Variants in PLPPR1 observed in about 807,000 individuals in gnomAD.
The protein encoded by PLPPR1 is phospholipid phosphatase related 1.
Under a neutral mutation model 33.1 loss-of-function variants are expected in PLPPR1, and 10 were observed. That is an observed-to-expected ratio of 0.30 (90% confidence interval 0.19 to 0.51). The LOEUF is 0.51. Ranked by LOEUF, PLPPR1 falls within the 20% of genes least tolerant of loss-of-function variation. The pLI is 0.97. For missense variants in PLPPR1, 304 were observed against 408.1 expected (o/e 0.74, Z 2.20); for synonymous variants, 151 against 151.0 (o/e 1.00, Z 0.00).
At chr9:101,156,201 G>C (rs1239887016) in intron 1 of PLPPR1, among the ~76,000 whole-genome samples, 1 of 152,098 alleles carries the variant, frequency 6.6e-6, no homozygotes, top group Non-Finnish European at 1.5e-5. Flanking sequence ...ACTTTCATTT[G>C]ACCATGGGTT....
chr9:101,262,528 A>T (rs1224823103), intron 2 of PLPPR1, among the ~76,000 whole-genome samples: 1 of 152,192 alleles, frequency 6.6e-6, no homozygotes, highest in Non-Finnish European at 1.5e-5. Flanking sequence ...AGATGTGGAG[A>T]AATAGGAATG....
chr9:101,051,194 G>T (rs1396711330), intron 1 of PLPPR1, among the ~76,000 whole-genome samples: 1 of 151,734 alleles, frequency 6.6e-6, no homozygotes, highest in Non-Finnish European at 1.5e-5. Context: ...TAATTATTTT[G>T]CCCATAAGTT....
intron 1 of PLPPR1, among the ~76,000 whole-genome samples, chr9:101,175,235 A>G (rs1011017591): frequency 6.6e-6 from 1 of 152,092 alleles, no homozygotes; most frequent in Non-Finnish European, 1.5e-5. Context: ...GTTTATTCCA[A>G]CTAGGGCTGC....
chr9:101,221,545 G>GAACTT (rs1419061269), intron 2 of PLPPR1, among the ~76,000 whole-genome samples: 1 of 152,160 alleles, frequency 6.6e-6, no homozygotes, highest in East Asian at 1.9e-4. Context: ...GAAAAGAAAG[G>GAACTT]AACTTACCTT....
At chr9:101,309,134 C>A in intron 4 of PLPPR1, 77 bp from the exon 5 acceptor site, 2 of 1,460,382 alleles carry the variant, frequency 1.4e-6, no homozygotes, top group Non-Finnish European at 9.5e-7. Context: ...TGGACTCTCA[C>A]CGCTGTTTTC....
At chr9:101,306,138 CCCTT>C (rs1588120104) in intron 4 of PLPPR1, among the ~76,000 whole-genome samples, 2 of 152,290 alleles carry the variant, frequency 1.3e-5, no homozygotes, top group East Asian at 1.9e-4. Context: ...ACTAATTTGA[CCCTT>C]CCTTGGCCAT....
At chr9:101,130,551 TA>T (rs1191824229) in intron 1 of PLPPR1, among the ~76,000 whole-genome samples, 29 of 152,364 alleles carry the variant, frequency 1.9e-4, no homozygotes, top group African/African-American at 7.0e-4. Context: ...GTTAAGCACT[TA>T]TTTTTTGTGA....
At chr9:101,167,033 C>T (rs1175260291) in intron 1 of PLPPR1, among the ~76,000 whole-genome samples, 1 of 117,126 alleles carries the variant, frequency 8.5e-6, no homozygotes, top group Non-Finnish European at 1.8e-5. Flanking sequence ...CTGAGGGTGC[C>T]AGAAGATCTA....
intron 7 of PLPPR1, among the ~76,000 whole-genome samples, chr9:101,323,586 T>C (rs909444668): frequency 1.3e-5 from 2 of 151,784 alleles, no homozygotes; most frequent in Non-Finnish European, 2.9e-5. Flanking sequence ...ATGCCTATAA[T>C]CCCAGCACTT....
chr9:101,125,097 C>T (rs984389983), intron 1 of PLPPR1, among the ~76,000 whole-genome samples: 1 of 152,154 alleles, frequency 6.6e-6, no homozygotes, highest in Non-Finnish European at 1.5e-5. Flanking sequence ...CTTTGCTAGT[C>T]TCTACTTTTG....
chr9:101,143,326 T>G (rs1428267944), intron 1 of PLPPR1, among the ~76,000 whole-genome samples: 3 of 152,122 alleles, frequency 2.0e-5, no homozygotes, highest in Non-Finnish European at 2.9e-5. Flanking sequence ...TCTTCTTCTG[T>G]AGGTCTGGGG....
chr9:101,232,368 T>C (rs930806220), intron 2 of PLPPR1, among the ~76,000 whole-genome samples: 3 of 151,954 alleles, frequency 2.0e-5, no homozygotes, highest in African/African-American at 7.2e-5. Flanking sequence ...CTGGGACAAC[T>C]GGGCAACTGG....
At chr9:101,118,557 T>C (rs1588035600) in intron 1 of PLPPR1, among the ~76,000 whole-genome samples, 1 of 152,168 alleles carries the variant, frequency 6.6e-6, no homozygotes, top group East Asian at 1.9e-4. Context: ...TAAAGATGAA[T>C]TTCAGTTGGA....
At chr9:101,133,189 A>T (rs1368470328) in intron 1 of PLPPR1, among the ~76,000 whole-genome samples, 1 of 152,160 alleles carries the variant, frequency 6.6e-6, no homozygotes, top group Non-Finnish European at 1.5e-5. Flanking sequence ...TTTACCACAC[A>T]TGGTCTGTCT....
At chr9:101,248,961 A>T (rs769335484) in intron 2 of PLPPR1, among the ~76,000 whole-genome samples, 2 of 152,058 alleles carry the variant, frequency 1.3e-5, no homozygotes, top group African/African-American at 4.8e-5. Flanking sequence ...ACCAAAATAC[A>T]TCTGGGAACA....
At chr9:101,077,046 CT>C (rs771250513) in intron 1 of PLPPR1, among the ~76,000 whole-genome samples, 37 of 152,288 alleles carry the variant, frequency 2.4e-4, no homozygotes, top group Admixed American at 3.3e-4. Context: ...GTCATATGTC[CT>C]TGTGGCACTG....
chr9:101,040,567 T>C (rs533891180), intron 1 of PLPPR1, among the ~76,000 whole-genome samples: 43 of 152,312 alleles, frequency 2.8e-4, no homozygotes, highest in African/African-American at 8.9e-4. Flanking sequence ...TTGCGTTTGC[T>C]GTTAGCTCAG....
intron 2 of PLPPR1, among the ~76,000 whole-genome samples, chr9:101,198,941 G>A (rs1004674106): frequency 1.1e-4 from 16 of 152,166 alleles, no homozygotes; most frequent in African/African-American, 2.9e-4. Flanking sequence ...TGTATTTATC[G>A]TAAGGGCTTT....
chr9:101,288,350 C>T (rs1376178230), intron 4 of PLPPR1, among the ~76,000 whole-genome samples: 3 of 152,034 alleles, frequency 2.0e-5, no homozygotes, highest in South Asian at 2.1e-4. Context: ...CACATTAGTC[C>T]GTTTGGGTCT....
Sources: gnomAD v4.1 joint callset for allele counts (sites outside exome capture counted in the v4.1 genomes callset) on GRCh38, gnomAD v4.1.1 for gene constraint, MANE v1.5 for transcripts, NCBI Gene and HGNC (gene_info 2026-07-23, HGNC 2026-07-21) for gene names.